SIPA1L2: variants seen among roughly 807,000 people sequenced by gnomAD.
The protein encoded by SIPA1L2 is signal induced proliferation associated 1 like 2, also known as signal-induced proliferation-associated 1-like protein 2.
In SIPA1L2, 56 loss-of-function variants were observed where a neutral mutation model predicts 163.9. That is an observed-to-expected ratio of 0.34 (90% CI 0.28 to 0.43). The LOEUF (loss-of-function observed/expected upper bound fraction) is 0.43, where lower values mean the gene tolerates loss of function less well. SIPA1L2 is among the 20% of genes least tolerant of loss of function. The pLI is 1.00. For synonymous variants in SIPA1L2, 877 were observed against 865.7 expected (o/e 1.01, Z -0.23); for missense variants, 1,974 against 2,193.5 (o/e 0.90, Z 2.00).
intron 10 of SIPA1L2, among the ~76,000 whole-genome samples, chr1:232,454,057 T>A (rs933988239): frequency 6.6e-6 from 1 of 152,128 alleles, no homozygotes; most frequent in Middle Eastern, 3.2e-3. Flanking sequence ...ACAAACTCTT[T>A]CTGGTACATA....
At chr1:232,605,888 T>G (rs1441536217) in intron 1 of SIPA1L2, among the ~76,000 whole-genome samples, 1 of 152,218 alleles carries the variant, frequency 6.6e-6, no homozygotes, top group Non-Finnish European at 1.5e-5. Context: ...GTGCACTGCC[T>G]GTGCCACAGT....
chr1:232,422,336 G>C (rs543832080), intron 18 of SIPA1L2, among the ~76,000 whole-genome samples: 1 of 152,328 alleles, frequency 6.6e-6, no homozygotes, highest in East Asian at 1.9e-4. Flanking sequence ...AAATGAGCTT[G>C]TTAAGTATGA....
chr1:232,474,505 C>T (rs1664942008), intron 7 of SIPA1L2, among the ~76,000 whole-genome samples: 2 of 152,030 alleles, frequency 1.3e-5, no homozygotes, highest in Non-Finnish European at 1.5e-5. Flanking sequence ...TAACTTAGTG[C>T]AAAAATACAG....
chr1:232,626,250 T>G (rs1349422669), intron 1 of SIPA1L2, among the ~76,000 whole-genome samples: 1 of 140,636 alleles, frequency 7.1e-6, no homozygotes, highest in Non-Finnish European at 1.5e-5. Context: ...TTTTTTTCAT[T>G]TTACAGGTAG....
chr1:232,505,124 T>C (rs1314972512), intron 3 of SIPA1L2, among the ~76,000 whole-genome samples: 1 of 152,192 alleles, frequency 6.6e-6, no homozygotes, highest in Non-Finnish European at 1.5e-5. Flanking sequence ...ATTAAAGGCT[T>C]CTTTTCATAA....
intron 1 of SIPA1L2, among the ~76,000 whole-genome samples, chr1:232,622,229 T>C (rs1237340410): frequency 6.6e-6 from 1 of 152,190 alleles, no homozygotes; most frequent in African/African-American, 2.4e-5. Context: ...TTATAAGAAC[T>C]AGCACTACGT....
chr1:232,600,308 A>T (rs1451597484), intron 1 of SIPA1L2, among the ~76,000 whole-genome samples: 3 of 152,028 alleles, frequency 2.0e-5, no homozygotes, highest in African/African-American at 7.2e-5. Context: ...GAAAACAAGA[A>T]TTTAAAAATC....
At position 232,427,580 on chromosome 1, in the gene SIPA1L2, G is replaced by A. The variant is rs149297447; in HGVS notation, c.4410+831C>T. 2.4e-3 allele frequency among the ~76,000 whole-genome samples: 359 copies of A among 150,904 alleles called. 3 individuals carry two copies. The highest frequency in any genetic ancestry group is 8.3e-3 in the African/African-American group (341 of 40,894). On this transcript the variant is annotated intron_variant, in intron 17 of 22. Coordinates refer to ENST00000674635, the MANE Select transcript of SIPA1L2 (RefSeq NM_020808.5). ...GAAGAGCTCACATTTTACCATCTGGGGCCTCAGTTACTTGCTAAATGGGGT... is the reference window on the plus strand; with the variant it reads ...GAAGAGCTCACATTTTACCATCTGGAGCCTCAGTTACTTGCTAAATGGGGT...
chr1:232,565,217 T>C (rs1410636390), intron 2 of SIPA1L2, among the ~76,000 whole-genome samples: 1 of 152,238 alleles, frequency 6.6e-6, no homozygotes, highest in Non-Finnish European at 1.5e-5. Flanking sequence ...ACTTGCCCAA[T>C]GTCATATCAA....
chr1:232,531,383 C>T (rs556828766), intron 2 of SIPA1L2, among the ~76,000 whole-genome samples: 2 of 152,280 alleles, frequency 1.3e-5, no homozygotes, highest in African/African-American at 2.4e-5. Context: ...AATATGCAGA[C>T]ATTGACGCAA....
At chr1:232,436,506 C>A (rs776101715) in intron 15 of SIPA1L2, among the ~76,000 whole-genome samples, 4 of 152,186 alleles carry the variant, frequency 2.6e-5, no homozygotes, top group Non-Finnish European at 5.9e-5. Context: ...GTTACCTGGG[C>A]TACTCCCAGT....
In SIPA1L2 at chr1:232,513,979, C is replaced by T. The variant is rs779596941; in HGVS notation, c.1361G>A (p.Gly454Asp). 3 of 1,614,102 alleles carry T rather than the reference C, an allele frequency of 1.9e-6. No individual in the cohort carries two copies. Among genetic ancestry groups the T allele is most frequent in the Admixed American group, 1.7e-5 (1 of 60,014 alleles). The change falls in exon 3 of 23, where the codon GGT becomes GAT. Residue 454 changes from glycine to aspartate, a missense_variant. Around this residue, in one of 3 missense-constraint regions of SIPA1L2, gnomAD observed 607 missense variants for 624.0 expected, o/e 0.97. Coordinates refer to ENST00000674635, the MANE Select transcript of SIPA1L2 (RefSeq NM_020808.5). ...TCTGGGCACTTCCAAGACGGAGACA[C>T]CTGCATTTGTGCAGTGAGAGCTGAG... ...SSLSSHCTNA[G>D]VSVLEVPREN... is the part of the protein sequence containing the mutation.
chr1:232,409,749 A>ATGCAGCTGCC (rs1427189705), intron 19 of SIPA1L2, among the ~76,000 whole-genome samples: 2 of 144,622 alleles, frequency 1.4e-5, no homozygotes, highest in Non-Finnish European at 2.9e-5. Flanking sequence ...CTGCAGCTGC[A>ATGCAGCTGCC]TGCAGCTGCC....
rs200917620 is a variant in SIPA1L2, at chr1:232,445,617, G to T, written c.3265C>A (p.Arg1089=). The T allele has an allele frequency of 1.2e-5, 19 of 1,613,968 alleles. No homozygotes were observed. The highest frequency in any genetic ancestry group is 1.5e-5 in the Non-Finnish European group (18 of 1,180,006). The part of the protein sequence containing the change: ...RASPIPGTPD[R]LPCQQLLQQA... ...TGGAGCAGCTGTTGGCACGGCAGCC[G>T]GTCGGGCGTGCCGGGGATGGGGGAA... The change falls in exon 11 of 23, where the codon CGG becomes AGG. Residue 1089 remains arginine (R), a synonymous_variant. Transcript: ENST00000674635.
At chr1:232,605,470 G>A (rs144295981) in intron 1 of SIPA1L2, among the ~76,000 whole-genome samples, 2 of 152,322 alleles carry the variant, frequency 1.3e-5, no homozygotes, top group East Asian at 1.9e-4. Flanking sequence ...CGAAACGGAT[G>A]GATCACCTGC....
chr1:232,539,906 G>A (rs564368336), intron 2 of SIPA1L2, among the ~76,000 whole-genome samples: 2 of 152,314 alleles, frequency 1.3e-5, no homozygotes, highest in South Asian at 2.1e-4. Flanking sequence ...AAAAATGAAA[G>A]GTCTGTGTCT....
intron 1 of SIPA1L2, among the ~76,000 whole-genome samples, chr1:232,586,918 C>T (rs908275345): frequency 6.6e-6 from 1 of 152,050 alleles, no homozygotes; most frequent in African/African-American, 2.4e-5. Context: ...ATAAAGACTG[C>T]GTCTATTATT....
intron 2 of SIPA1L2, among the ~76,000 whole-genome samples, chr1:232,525,404 T>A (rs1344975165): frequency 2.1e-4 from 1 of 4,858 alleles, no homozygotes; most frequent in African/African-American, 5.1e-4. Context: ...CCTGGCTATT[T>A]TTTTTTTTTT....
intron 9 of SIPA1L2, among the ~76,000 whole-genome samples, chr1:232,461,883 C>T (rs4233063): frequency 0.12 from 18,162 of 152,128 alleles, 2,279 homozygotes; most frequent in East Asian, 0.57. Flanking sequence ...GTGAGGACCA[C>T]TCAGATCCAT....
Sources: gnomAD v4.1 joint callset for allele counts (sites outside exome capture counted in the v4.1 genomes callset) on GRCh38, gnomAD v4.1.1 for gene constraint, gnomAD v4.1.1 regional missense constraint, MANE v1.5 for transcripts, NCBI Gene and HGNC (gene_info 2026-07-23, HGNC 2026-07-21) for gene names.